STK10: variants seen among roughly 807,000 people sequenced by gnomAD.
STK10 encodes the protein serine/threonine kinase 10.
In STK10, 78 loss-of-function variants were observed where a neutral mutation model predicts 113.8. The observed-to-expected ratio is 0.69, with a 90% CI of 0.57 to 0.83. STK10 has a LOEUF of 0.83. Among genes scored for constraint, STK10 ranks in the 40% least tolerant of loss-of-function variants. The pLI is 0.00. For synonymous variants in STK10, 465 were observed against 494.7 expected (o/e 0.94, Z 0.80); for missense variants, 1,109 against 1,280.1 (o/e 0.87, Z 2.04).
rs1561792800 is a variant in STK10, at chr5:172,064,589, G to A, written c.2082+131C>T. On this transcript the variant is annotated intron_variant, in intron 13 of 18. Transcript: ENST00000176763. Reference sequence around the variant, plus strand: ...AGGGGATAATGGGGCCATGAAGGATGAGGCCAGATTTAGGTATTCAGAACG... The same window carrying A: ...AGGGGATAATGGGGCCATGAAGGATAAGGCCAGATTTAGGTATTCAGAACG... 6 of 886,326 alleles carry A rather than the reference G, an allele frequency of 6.8e-6. No individual in the cohort carries two copies. In the South Asian group the frequency reaches 9.0e-5, roughly 13 times the overall value. 54.9% of individuals were successfully genotyped at this position (886,326 alleles called of 1,614,324 possible).
Position 172,044,898 on chromosome 5 carries a change from GA to G in STK10, c.2890del (p.Ser964LeufsTer30). ...GGGCGGTTGTTAAGAAGCATCCGCA[GA>G]ACTGTAGGGGAAGAACTTGGCGGCC... ...SKAAKFFPYS[S>X]ADAS On this transcript the variant is annotated frameshift_variant, in exon 19 of 19. Coordinates refer to ENST00000176763, the MANE Select transcript of STK10 (RefSeq NM_005990.4). LOFTEE classifies it high-confidence loss of function. The surrounding 1 kb of genome is among the most constrained non-coding windows in gnomAD (Gnocchi z 4.5). The G allele has an allele frequency of 1.9e-6, 3 of 1,614,252 alleles. 1 individual carries two copies. Among genetic ancestry groups the G allele is most frequent in the Middle Eastern group, 1.7e-4 (1 of 6,058 alleles).
At chr5:172,061,477 A>T (rs1767936098) in intron 13 of STK10, 1 of 579,868 alleles carries the variant, frequency 1.7e-6, no homozygotes. Context: ...ATCAAAGAAC[A>T]GTCTCGGTCT....
intron 12 of STK10, among the ~76,000 whole-genome samples, chr5:172,075,405 G>A (rs1399070816): frequency 3.3e-5 from 5 of 152,146 alleles, no homozygotes; most frequent in Non-Finnish European, 7.3e-5. Flanking sequence ...TGCCAGGCGC[G>A]GTGGCTCATG....
chr5:172,106,879 C>G, intron 5 of STK10, 65 bp from the exon 6 acceptor site: 1 of 1,509,210 alleles, frequency 6.6e-7, no homozygotes, highest in Non-Finnish European at 8.9e-7. Flanking sequence ...CTTGGACATT[C>G]AGGGTCAAGG....
chr5:172,151,259 G>C (rs1018752462), intron 2 of STK10, among the ~76,000 whole-genome samples: 2 of 152,206 alleles, frequency 1.3e-5, no homozygotes, highest in Non-Finnish European at 2.9e-5. Context: ...ATTGGCTCTG[G>C]TCTCACAGTA....
intron 2 of STK10, among the ~76,000 whole-genome samples, chr5:172,146,485 A>G (rs191696718): frequency 2.8e-4 from 43 of 151,682 alleles, no homozygotes; most frequent in African/African-American, 9.9e-4. Context: ...AGCCCCCTCT[A>G]CCTCCTTTGT....
chr5:172,115,700 T>C (rs1769367616), intron 4 of STK10, among the ~76,000 whole-genome samples: 1 of 152,214 alleles, frequency 6.6e-6, no homozygotes, highest in South Asian at 2.1e-4. Flanking sequence ...GTTCCTCTTA[T>C]CGGCAATGTG....
At chr5:172,174,052 C>A (rs1385069625) in intron 1 of STK10, among the ~76,000 whole-genome samples, 1 of 152,128 alleles carries the variant, frequency 6.6e-6, no homozygotes, top group Non-Finnish European at 1.5e-5. Context: ...ATGCGGCCTC[C>A]CGAGTGTAGC....
chr5:172,122,883 A>G (rs577746516), intron 3 of STK10, among the ~76,000 whole-genome samples: 1 of 152,190 alleles, frequency 6.6e-6, no homozygotes, highest in Admixed American at 6.5e-5. Flanking sequence ...TCGGCCTCCC[A>G]AAGTGCTGGG....
In STK10 at chr5:172,105,775, C is replaced by G. The variant is rs200325023; in HGVS notation, c.789-38G>C. 2.7e-4 allele frequency: 435 copies of G among 1,595,190 alleles called. 2 individuals carry two copies. The African/African-American group carries it at 5.2e-3, about 19-fold the overall frequency. On this transcript the variant is annotated intron_variant, in intron 6 of 18. Coordinates refer to ENST00000176763, the MANE Select transcript of STK10 (RefSeq NM_005990.4). ...GCGTCAGAGGTAAGCATGGAGGAGGCAAGAGCAGAGAGAAGCCCCCCACGT... is the reference window on the plus strand; with the variant it reads ...GCGTCAGAGGTAAGCATGGAGGAGGGAAGAGCAGAGAGAAGCCCCCCACGT...
At chr5:172,046,983 A>G (rs1767506730) in intron 18 of STK10, among the ~76,000 whole-genome samples, 1 of 152,204 alleles carries the variant, frequency 6.6e-6, no homozygotes, top group Non-Finnish European at 1.5e-5. Flanking sequence ...ACACTGACCC[A>G]AGCAACACTT....
chr5:172,175,106 C>G (rs1231058414), intron 1 of STK10, among the ~76,000 whole-genome samples: 1 of 152,234 alleles, frequency 6.6e-6, no homozygotes, highest in Non-Finnish European at 1.5e-5. Context: ...GCCTTGAATT[C>G]CTGGCCTCAA....
At chr5:172,050,382 A>T (rs1439127452) in intron 18 of STK10, among the ~76,000 whole-genome samples, 2 of 152,158 alleles carry the variant, frequency 1.3e-5, no homozygotes, top group African/African-American at 2.4e-5. Context: ...GATTCTGCAG[A>T]ATATCATTTT....
intron 1 of STK10, among the ~76,000 whole-genome samples, chr5:172,186,023 C>T (rs572713124): frequency 8.8e-4 from 134 of 152,270 alleles, no homozygotes; most frequent in African/African-American, 3.1e-3. Flanking sequence ...CCTGTAATCC[C>T]AACACTTTGG....
intron 15 of STK10, chr5:172,057,004 G>GAAAGAGAGAGAGAGAGAGAAA (rs1554115578): frequency 8.2e-5 from 6 of 73,392 alleles, no homozygotes; most frequent in African/African-American, 3.0e-4. Context: ...AGAGAAAGAA[G>GAAAGAGAGAGAGAGAGAGAAA]GAAAGAAAGA....
chr5:172,184,655 ATTG>A (rs1373953696), intron 1 of STK10, among the ~76,000 whole-genome samples: 1 of 151,644 alleles, frequency 6.6e-6, no homozygotes, highest in Non-Finnish European at 1.5e-5. Context: ...TTTTGTTTTT[ATTG>A]TTGTTGTTTT....
chr5:172,109,820 A>G (rs769336477), intron 4 of STK10, among the ~76,000 whole-genome samples: 3 of 152,236 alleles, frequency 2.0e-5, no homozygotes, highest in Non-Finnish European at 4.4e-5. Flanking sequence ...AATGGAATTT[A>G]TGAGGGGTGT....
chr5:172,071,768 T>A (rs1768186567), intron 12 of STK10, among the ~76,000 whole-genome samples: 2 of 152,166 alleles, frequency 1.3e-5, no homozygotes. Context: ...CAGCCCACTC[T>A]GAATTCTCTC....
chr5:172,170,646 G>A (rs1364883258), intron 1 of STK10, among the ~76,000 whole-genome samples: 1 of 152,176 alleles, frequency 6.6e-6, no homozygotes, highest in Admixed American at 6.5e-5. Context: ...AATAAAATAC[G>A]GAAACCCAAA....
Sources: allele counts gnomAD v4.1 joint callset (sites outside exome capture counted in the v4.1 genomes callset), GRCh38; gene constraint gnomAD v4.1.1; non-coding constraint Gnocchi (gnomAD v3.1); transcripts MANE v1.5; gene names NCBI Gene and HGNC (gene_info 2026-07-23, HGNC 2026-07-21).